The following CNTNAP3 variants were observed in gnomAD, a reference collection of about 807,000 sequenced individuals.
CNTNAP3 encodes contactin-associated protein-like 3.
CNTNAP3 carries 36 observed loss-of-function variants against 92.1 expected under a neutral mutation model. The ratio of observed to expected loss-of-function variants is 0.39; its 90% CI spans 0.30 to 0.52. The LOEUF (loss-of-function observed/expected upper bound fraction) is 0.52. CNTNAP3 is among the 20% of genes least tolerant of loss of function. The probability of loss-of-function intolerance (pLI) is 0.76; values close to 1 mark genes in which losing one functional copy is unlikely to be tolerated. For synonymous variants in CNTNAP3, 232 were observed against 422.3 expected, an observed-to-expected ratio of 0.55 and a Z score of 5.53; for missense variants, 534 against 1,069.6, an observed-to-expected ratio of 0.50 and a Z score of 6.98.
At chr9:39,081,534 T>C (rs992709325) in intron 21 of CNTNAP3, among the ~76,000 whole-genome samples, 7 of 150,830 alleles carry the variant, frequency 4.6e-5, no homozygotes, top group Non-Finnish European at 8.8e-5. Flanking sequence ...CAGGGGCATA[T>C]GTATTTTGGC....
chr9:39,148,651 G>T lies in CNTNAP3; in HGVS notation c.1649+1155C>A, dbSNP rs549783685. ...CGCCATTCTCCTGCCTCAGCCTGCC[G>T]AGTAGCTGGAACTACAGGCGCCCGC... On this transcript the variant is annotated intron_variant, in intron 10 of 23. Coordinates refer to ENST00000297668, the MANE Select transcript of CNTNAP3 (RefSeq NM_033655.5). Among the ~76,000 whole-genome samples, 44 of 151,288 alleles carry T rather than the reference G, an allele frequency of 2.9e-4. No homozygotes were observed. The South Asian group carries it at 9.0e-3, about 31-fold the overall frequency.
chr9:39,148,430 G>A (rs1821755256), intron 10 of CNTNAP3, among the ~76,000 whole-genome samples: 1 of 151,958 alleles, frequency 6.6e-6, no homozygotes, highest in Non-Finnish European at 1.5e-5. Flanking sequence ...AGCCAGAGAG[G>A]ATAATTTTAC....
At chr9:39,157,581 T>C (rs1194404852) in intron 9 of CNTNAP3, among the ~76,000 whole-genome samples, 3 of 86,642 alleles carry the variant, frequency 3.5e-5, no homozygotes, top group Non-Finnish European at 7.6e-5. Context: ...CTCTTGACCT[T>C]GTGATCCACC....
intron 19 of CNTNAP3, among the ~76,000 whole-genome samples, chr9:39,087,244 A>T (rs566724644): frequency 5.3e-4 from 80 of 152,346 alleles, no homozygotes; most frequent in Middle Eastern, 3.4e-3. Flanking sequence ...TGTAATTATA[A>T]CTTCTAATAA....
intron 9 of CNTNAP3, among the ~76,000 whole-genome samples, chr9:39,151,704 A>C (rs2118150116): frequency 6.7e-6 from 1 of 148,322 alleles, no homozygotes; most frequent in East Asian, 2.0e-4. Flanking sequence ...TCATTTCATA[A>C]TGGTGTAATG....
chr9:39,142,480 G>A (rs1231795375), intron 11 of CNTNAP3, among the ~76,000 whole-genome samples: 4 of 151,918 alleles, frequency 2.6e-5, no homozygotes, highest in African/African-American at 4.8e-5. Flanking sequence ...AGACCATCCC[G>A]GCTAACATGG....
chr9:39,084,724 T>C lies in CNTNAP3; in HGVS notation c.3442+1012A>G, dbSNP rs577216033. On this transcript the variant is annotated intron_variant, in intron 21 of 23. Transcript: ENST00000297668. ...GTTTTGGTATAATTACTAAATGATG[T>C]GAGAGTGGCAAAAAATGTATAGCAG... Among the ~76,000 whole-genome samples the C allele has an allele frequency of 1.7e-3, 259 of 152,258 alleles. 2 individuals are homozygous for C. The highest frequency in any genetic ancestry group is 6.1e-3 in the African/African-American group (252 of 41,566).
chr9:39,145,697 G>A (rs1194250225), intron 10 of CNTNAP3, among the ~76,000 whole-genome samples: 1 of 136,824 alleles, frequency 7.3e-6, no homozygotes, highest in Admixed American at 7.0e-5. Flanking sequence ...TAATTACATG[G>A]TGTTAATGAG....
chr9:39,075,615 T>C (rs1471633351), intron 23 of CNTNAP3, among the ~76,000 whole-genome samples: 1 of 152,308 alleles, frequency 6.6e-6, no homozygotes, highest in African/African-American at 2.4e-5. Flanking sequence ...AGACCATTCT[T>C]ACCAGCTCAG....
Position 39,110,353 on chromosome 9 carries a change from G to A in CNTNAP3, c.2238-1066C>T, listed in dbSNP as rs1693112. On this transcript the variant is annotated intron_variant, in intron 14 of 23. Coordinates refer to ENST00000297668, the MANE Select transcript of CNTNAP3 (RefSeq NM_033655.5). ...AGAGGCTGTAGTGAGCCATGTGTGC[G>A]CCACTGCACTCCAGCCTGGGTGGCA... Among the ~76,000 whole-genome samples, 515 of 151,850 alleles carry A rather than the reference G, an allele frequency of 3.4e-3. 2 individuals are homozygous for A. The highest frequency in any genetic ancestry group is 6.0e-3 in the Non-Finnish European group (405 of 67,930).
rs548556472 is a variant in CNTNAP3 at position 39,140,608 on chromosome 9, T to C, written c.1787A>G (p.Lys596Arg). The change falls in exon 12 of 24, where the codon AAG (lysine) becomes AGG (arginine). Residue 596 changes from lysine to arginine, a missense_variant. Lys to Arg is a conservative substitution (Grantham distance 26). Coordinates refer to ENST00000297668, the MANE Select transcript of CNTNAP3 (RefSeq NM_033655.5). ...AAGCCCAGACGGGTTCCCTCGGTGCTTGTGGGCTTCACAAGACTGCTCGTA... is the reference window on the plus strand; with the variant it reads ...AAGCCCAGACGGGTTCCCTCGGTGCCTGTGGGCTTCACAAGACTGCTCGTA... ...SLYEQSCEAH[K>R]HRGNPSGLYY... 1.8e-4 allele frequency: 294 copies of C among 1,613,278 alleles called. 1 individual carries two copies. The Admixed American group carries it at 4.9e-3, about 27-fold the overall frequency.
chr9:39,090,180 CT>C (rs1826159594), intron 18 of CNTNAP3, among the ~76,000 whole-genome samples: 1 of 152,194 alleles, frequency 6.6e-6, no homozygotes, highest in African/African-American at 2.4e-5. Context: ...ACCTCGTGAT[CT>C]GCCCACCTCG....
rs1282638674 is a variant in CNTNAP3, at chr9:39,085,828, T to C, written c.3355-5A>G. ...TTTCTTTGTGCTCTGGTTAACCTAT[T>C]AGATGTCCCATGAGAAGCAAACATC... On this transcript the variant is annotated splice_region_variant and splice_polypyrimidine_tract_variant and intron_variant, in intron 20 of 23. Transcript: ENST00000297668. 4 of 1,553,958 alleles carry C rather than the reference T, an allele frequency of 2.6e-6. No individual in the cohort carries two copies. The highest frequency in any genetic ancestry group is 3.5e-6 in the Non-Finnish European group (4 of 1,134,024).
rs1343771378 is a variant in CNTNAP3, at chr9:39,100,070, C to T, written c.2836G>A (p.Glu946Lys). 3.2e-5 allele frequency: 51 copies of T among 1,579,416 alleles called. No homozygotes were observed. The highest frequency in any genetic ancestry group is 4.2e-5 in the Non-Finnish European group (49 of 1,161,382). The change falls in exon 18 of 24, where the codon GAA (glutamate) becomes AAA (lysine). Residue 946 changes from glutamate to lysine, a missense_variant. Coordinates refer to ENST00000297668, the MANE Select transcript of CNTNAP3 (RefSeq NM_033655.5). ...QLNGVALDLE[E>K]RATVTPGVEP... Reference sequence around the variant, plus strand: ...ACTCCTGGCGTCACTGTGGCTCTTTCTTCCAGATCCAGGGCCACCCCGTTC... The same window carrying T: ...ACTCCTGGCGTCACTGTGGCTCTTTTTTCCAGATCCAGGGCCACCCCGTTC...
intron 18 of CNTNAP3, among the ~76,000 whole-genome samples, chr9:39,095,683 G>T (rs373316309): frequency 7.1e-6 from 1 of 141,406 alleles, no homozygotes; most frequent in African/African-American, 2.6e-5. Context: ...ATCCTACTAC[G>T]TTTTGGTATA....
chr9:39,097,617 G>A (rs1469890388), intron 18 of CNTNAP3, among the ~76,000 whole-genome samples: 1 of 151,544 alleles, frequency 6.6e-6, no homozygotes, highest in Admixed American at 6.6e-5. Context: ...CAAAACTGGG[G>A]ATGACAAGAA....
intron 12 of CNTNAP3, among the ~76,000 whole-genome samples, chr9:39,134,245 A>G (rs1457036067): frequency 1.3e-5 from 2 of 152,150 alleles, no homozygotes; most frequent in Non-Finnish European, 2.9e-5. Context: ...TGATATCCAC[A>G]AATGAGCCAC....
rs1485520734 is a variant in CNTNAP3, at chr9:39,149,499, G to A, written c.1649+307C>T. 1.3e-5 allele frequency among the ~76,000 whole-genome samples: 2 copies of A among 149,392 alleles called. 1 individual carries two copies. Among genetic ancestry groups the A allele is most frequent in the African/African-American group, 5.0e-5 (2 of 40,170 alleles). ...CCAGTAGCTGGGACTACAGGTGGCC[G>A]CCACCACGCCTGGCTAATTTTTTTT... On this transcript the variant is annotated intron_variant, in intron 10 of 23. Transcript: ENST00000297668.
chr9:39,095,836 T>C (rs1036974812), intron 18 of CNTNAP3, among the ~76,000 whole-genome samples: 13 of 150,668 alleles, frequency 8.6e-5, no homozygotes, highest in African/African-American at 3.2e-4. Flanking sequence ...TATTTCTACA[T>C]AGCTCTATTT....
Sources: allele counts gnomAD v4.1 joint callset (sites outside exome capture counted in the v4.1 genomes callset), GRCh38; gene constraint gnomAD v4.1.1; transcripts MANE v1.5; gene names NCBI Gene and HGNC (gene_info 2026-07-23, HGNC 2026-07-21).